The following TRDMT1 variants were observed in gnomAD, a reference collection of about 807,000 sequenced individuals.
TRDMT1 encodes the protein tRNA aspartic acid methyltransferase 1.
Under a neutral mutation model 51.2 loss-of-function variants are expected in TRDMT1, and 49 were observed. The ratio of observed to expected loss-of-function variants is 0.96; its 90% confidence interval spans 0.76 to 1.21. TRDMT1 has a LOEUF of 1.21. Among genes scored for constraint, TRDMT1 ranks in the 50% most tolerant of loss-of-function variants. TRDMT1 has a pLI of 0.00. For synonymous variants in TRDMT1, 187 were observed against 164.6 expected, an observed-to-expected ratio of 1.14 and a Z score of -1.04; for missense variants, 534 against 462.3, an observed-to-expected ratio of 1.16 and a Z score of -1.42.
At chr10:17,150,750 C>T (rs914171267) in intron 10 of TRDMT1, 31 of 984,626 alleles carry the variant, frequency 3.1e-5, no homozygotes, top group African/African-American at 1.7e-5. Flanking sequence ...TTATTAACTG[C>T]AATAAAATAA....
Position 17,148,425 on chromosome 10 carries a change from GTAGA to G in TRDMT1, c.*611_*614del. On this transcript the variant is annotated 3_prime_UTR_variant, in exon 11 of 11. Transcript: ENST00000377799. The stretch of plus-strand genomic sequence containing the variant: ...CCTTCAGATAGAGGCTGAGGAAAAT[GTAGA>G]TAATGTGCACCAACAGTTTCTGTGG... 1 of 985,436 alleles carries G rather than the reference GTAGA, an allele frequency of 1.0e-6. No individual in the cohort carries two copies. The highest frequency in any genetic ancestry group is 1.2e-6 in the Non-Finnish European group (1 of 829,922). 61.0% of individuals were successfully genotyped at this position (985,436 alleles called of 1,614,324 possible). A position where few individuals can be genotyped will look rare whatever the true frequency, so the allele number is the denominator to read the frequency against.
intron 1 of TRDMT1, among the ~76,000 whole-genome samples, chr10:17,192,705 A>G (rs1021480727): frequency 3.9e-5 from 6 of 152,198 alleles, no homozygotes; most frequent in African/African-American, 9.7e-5. Flanking sequence ...TCAAAACCTG[A>G]TACATTTCAC....
At chr10:17,164,679 T>C (rs887320716) in intron 3 of TRDMT1, among the ~76,000 whole-genome samples, 3 of 152,026 alleles carry the variant, frequency 2.0e-5, no homozygotes, top group African/African-American at 7.3e-5. Context: ...AGTCTCAGGA[T>C]ACAAAATCAA....
At chr10:17,161,624 G>A in intron 4 of TRDMT1, 76 bp from the exon 5 acceptor site, 1 of 791,860 alleles carries the variant, frequency 1.3e-6, no homozygotes, top group Non-Finnish European at 1.8e-6. Flanking sequence ...CATTACTTGT[G>A]GGAAATACGA....
intron 1 of TRDMT1, among the ~76,000 whole-genome samples, chr10:17,199,333 G>T (rs1393241088): frequency 6.6e-6 from 1 of 152,170 alleles, no homozygotes; most frequent in Admixed American, 6.5e-5. Flanking sequence ...GTCAGCCAGG[G>T]AAGGCCAATA....
chr10:17,153,742 A>G lies in TRDMT1; in HGVS notation c.946-106T>C, dbSNP rs1839108892. Reference sequence around the variant, plus strand: ...CGATGGACATACAGTCTGCTGTAACACACAGTGGCAAAGTGCACAGGGCAA... The same window carrying G: ...CGATGGACATACAGTCTGCTGTAACGCACAGTGGCAAAGTGCACAGGGCAA... On this transcript the variant is annotated intron_variant, in intron 9 of 10. Transcript: ENST00000377799. 4.1e-6 allele frequency: 5 copies of G among 1,223,594 alleles called. No homozygotes were observed. The East Asian group carries it at 1.3e-4, about 31-fold the overall frequency. The allele number at this position is 1,223,594 out of a possible 1,614,324, so 75.8% of individuals were successfully genotyped here. A position where few individuals can be genotyped will look rare whatever the true frequency, so the allele number is the denominator to read the frequency against.
chr10:17,201,483 C>T, intron 1 of TRDMT1, 88 bp downstream of exon 1: 7 of 951,654 alleles, frequency 7.4e-6, no homozygotes, highest in South Asian at 3.0e-5. Context: ...CCGCCCCTTG[C>T]GTCTCGCCGC....
intron 8 of TRDMT1, among the ~76,000 whole-genome samples, chr10:17,156,111 T>C (rs188981786): frequency 1.3e-5 from 2 of 152,254 alleles, no homozygotes; most frequent in South Asian, 2.1e-4. Flanking sequence ...CAGTGTATCA[T>C]ACAAGATATT....
chr10:17,201,231 C>G, intron 1 of TRDMT1: 4 of 238,186 alleles, frequency 1.7e-5, no homozygotes, highest in South Asian at 9.0e-5. Flanking sequence ...GGTGGCTGCA[C>G]ACTTAGAATG....
intron 1 of TRDMT1, among the ~76,000 whole-genome samples, chr10:17,181,710 G>A (rs1359981406): frequency 1.3e-5 from 2 of 151,702 alleles, no homozygotes; most frequent in African/African-American, 4.8e-5. Context: ...GAAGTTCCCA[G>A]GAAACCTACA....
rs1358056849 is a variant in TRDMT1 at position 17,141,973 on chromosome 10, C to A, written c.*7067G>T. 6.6e-6 allele frequency among the ~76,000 whole-genome samples: 1 copy of A among 152,176 alleles called. No individual in the cohort carries two copies. Among genetic ancestry groups the A allele is most frequent in the Non-Finnish European group, 1.5e-5 (1 of 68,024 alleles). ...TCAGTTACATAACTGCCATTTATTTCTATTCTTAAAAATTGGCATATAGTG... is the reference window on the plus strand; with the variant it reads ...TCAGTTACATAACTGCCATTTATTTATATTCTTAAAAATTGGCATATAGTG... On this transcript the variant is annotated 3_prime_UTR_variant, in exon 11 of 11. Coordinates refer to ENST00000377799, the MANE Select transcript of TRDMT1 (RefSeq NM_004412.7).
rs749076360 is a variant in TRDMT1 at position 17,149,117 on chromosome 10, T to C, written c.1099A>G (p.Lys367Glu). The change falls in exon 11 of 11, where the codon AAA (lysine) becomes GAA (glutamate). Residue 367 changes from lysine to glutamate, a missense_variant. Coordinates refer to ENST00000377799, the MANE Select transcript of TRDMT1 (RefSeq NM_004412.7). Reference protein sequence around the residue: ...EFGFPEKITVKQRYRLLGNSL... With the variant: ...EFGFPEKITVEQRYRLLGNSL... ...TTTCCAAGTAGGCGATAACGCTGTT[T>C]CACTGTTATCTTCTCAGGAAATCCT... The C allele has an allele frequency of 1.2e-6, 2 of 1,610,940 alleles. No individual in the cohort carries two copies. Among genetic ancestry groups the C allele is most frequent in the Non-Finnish European group, 1.7e-6 (2 of 1,178,622 alleles).
chr10:17,189,828 T>C (rs1844447761), intron 1 of TRDMT1, among the ~76,000 whole-genome samples: 1 of 152,226 alleles, frequency 6.6e-6, no homozygotes, highest in South Asian at 2.1e-4. Context: ...TGAAGGCATC[T>C]GCCAAAGTCT....
Position 17,144,063 on chromosome 10 carries a change from T to C in TRDMT1, c.*4977A>G. The C allele has an allele frequency of 1.0e-6, 1 of 985,344 alleles. No individual in the cohort carries two copies. Among genetic ancestry groups the C allele is most frequent in the Non-Finnish European group, 1.2e-6 (1 of 829,936 alleles). 61.0% of individuals were successfully genotyped at this position (985,344 alleles called of 1,614,324 possible). A position where few individuals can be genotyped will look rare whatever the true frequency, so the allele number is the denominator to read the frequency against. On this transcript the variant is annotated 3_prime_UTR_variant, in exon 11 of 11. Coordinates refer to ENST00000377799, the MANE Select transcript of TRDMT1 (RefSeq NM_004412.7). The stretch of plus-strand genomic sequence containing the variant: ...AAATGGCTGAAGTTGTAGGAAAGGG[T>C]GAGAATCTCTAAGAAAAATGGCATG...
chr10:17,147,853 G>A lies in TRDMT1; in HGVS notation c.*1187C>T. 2 of 332,684 alleles carry A rather than the reference G, an allele frequency of 6.0e-6. No homozygotes were observed. The highest frequency in any genetic ancestry group is 8.6e-6 in the Non-Finnish European group (2 of 233,552). The allele number at this position is 332,684 out of a possible 1,614,324, so 20.6% of individuals were successfully genotyped here. On this transcript the variant is annotated 3_prime_UTR_variant, in exon 11 of 11. Coordinates refer to ENST00000377799, the MANE Select transcript of TRDMT1 (RefSeq NM_004412.7). ...CCAGAGGTGGAATCGCTGAATCATA[G>A]GGTAATTCTATGTTGAATTTTGTGA...
chr10:17,162,082 C>G, intron 4 of TRDMT1, 84 bp downstream of exon 4: 2 of 1,218,402 alleles, frequency 1.6e-6, no homozygotes, highest in Admixed American at 1.9e-5. Context: ...AATGGCTATC[C>G]TCTACAAAAT....
In TRDMT1 at chr10:17,201,658, C is replaced by G; in HGVS notation, c.-24G>C. 6.5e-7 allele frequency: 1 copy of G among 1,538,070 alleles called. No individual in the cohort carries two copies. The highest frequency in any genetic ancestry group is 8.7e-7 in the Non-Finnish European group (1 of 1,142,930). On this transcript the variant is annotated 5_prime_UTR_variant, in exon 1 of 11. Coordinates refer to ENST00000377799, the MANE Select transcript of TRDMT1 (RefSeq NM_004412.7). ...ATCCCCGCGCCTCAGCCGCCGCAGCCCCGGAGCTAGGCCTGCCGGTCCGTC... is the reference window on the plus strand; with the variant it reads ...ATCCCCGCGCCTCAGCCGCCGCAGCGCCGGAGCTAGGCCTGCCGGTCCGTC...
Position 17,149,149 on chromosome 10 carries a change from A to G in TRDMT1, c.1076-9T>C. The G allele has an allele frequency of 6.3e-7, 1 of 1,587,792 alleles. No homozygotes were observed. The highest frequency in any genetic ancestry group is 8.6e-7 in the Non-Finnish European group (1 of 1,161,110). On this transcript the variant is annotated splice_polypyrimidine_tract_variant and intron_variant, in intron 10 of 10. Transcript: ENST00000377799. Reference sequence around the variant, plus strand: ...TATCTTCTCAGGAAATCCTAAAAAGACAAAGAACAATTTAAAGAAATCATT... The same window carrying G: ...TATCTTCTCAGGAAATCCTAAAAAGGCAAAGAACAATTTAAAGAAATCATT...
chr10:17,193,314 G>A (rs1407056750), intron 1 of TRDMT1, among the ~76,000 whole-genome samples: 3 of 151,938 alleles, frequency 2.0e-5, no homozygotes, highest in Admixed American at 2.0e-4. Context: ...AGTGAGCCAA[G>A]ATTAAGCCAC....
Sources: allele counts gnomAD v4.1 joint callset (sites outside exome capture counted in the v4.1 genomes callset), GRCh38; gene constraint gnomAD v4.1.1; transcripts MANE v1.5; gene names NCBI Gene and HGNC (gene_info 2026-07-23, HGNC 2026-07-21).